TTC24: variants seen among roughly 807,000 people sequenced by gnomAD.
TTC24 encodes the protein tetratricopeptide repeat protein 24.
TTC24 carries 54 observed loss-of-function variants against 63.3 expected under a neutral mutation model. The observed-to-expected ratio is 0.85, with a 90% CI of 0.69 to 1.07. The LOEUF (loss-of-function observed/expected upper bound fraction) is 1.07, where lower values mean the gene tolerates loss of function less well. Ranked by LOEUF, TTC24 falls within the 50% of genes least tolerant of loss-of-function variation. The pLI, the probability that TTC24 is intolerant of heterozygous loss-of-function variation, is 0.00. For missense variants in TTC24, 680 were observed against 730.5 expected (o/e 0.93, Z 0.80); for synonymous variants, 276 against 304.3 (o/e 0.91, Z 0.97).
chr1:156,583,517 T>G lies in TTC24; in HGVS notation c.1152+67T>G, dbSNP rs1677066488. ...CCTCTTCTGGCTGACATTCCTGCCT[T>G]CACTCCTTGTCTTCTCCCCATCACT... On this transcript the variant is annotated intron_variant, in intron 5 of 10. Coordinates refer to ENST00000368236, the MANE Select transcript of TTC24 (RefSeq NM_001105669.4). The surrounding 1 kb of genome is among the most constrained non-coding windows in gnomAD (Gnocchi z 4.0). The G allele has an allele frequency of 2.3e-6, 3 of 1,291,116 alleles. No homozygotes were observed. The highest frequency in any genetic ancestry group is 3.2e-6 in the Non-Finnish European group (3 of 934,462). 80.0% of individuals were successfully genotyped at this position (1,291,116 alleles called of 1,614,324 possible).
At position 156,583,235 on chromosome 1, in the gene TTC24, G is replaced by C; in HGVS notation, c.1039+65G>C. ...GAGGCTGAGGGTCCTAGGGGCTGGCGGGGAGGCAGATGGGGGGAACTGAGG... is the reference window on the plus strand; with the variant it reads ...GAGGCTGAGGGTCCTAGGGGCTGGCCGGGAGGCAGATGGGGGGAACTGAGG... On this transcript the variant is annotated intron_variant, in intron 4 of 10. Coordinates refer to ENST00000368236, the MANE Select transcript of TTC24 (RefSeq NM_001105669.4). The surrounding 1 kb of genome is among the most constrained non-coding windows in gnomAD (Gnocchi z 4.0). 1 of 1,609,624 alleles carries C rather than the reference G, an allele frequency of 6.2e-7. No individual in the cohort carries two copies. The highest frequency in any genetic ancestry group is 1.1e-5 in the South Asian group (1 of 90,690).
chr1:156,583,202 A>G lies in TTC24; in HGVS notation c.1039+32A>G, dbSNP rs1220621830. ...GTGAGAGGGTTGGGATGTGACTGGG[A>G]CAGTGGGGAGGCTGAGGGTCCTAGG... On this transcript the variant is annotated intron_variant, in intron 4 of 10. Coordinates refer to ENST00000368236, the MANE Select transcript of TTC24 (RefSeq NM_001105669.4). The surrounding 1 kb of genome is among the most constrained non-coding windows in gnomAD (Gnocchi z 4.0). The G allele has an allele frequency of 2.5e-6, 4 of 1,609,930 alleles. No individual in the cohort carries two copies. In the African/African-American group the frequency reaches 4.0e-5, roughly 16 times the overall value.
Position 156,581,205 on chromosome 1 carries a change from A to T in TTC24, c.-4-156A>T, listed in dbSNP as rs12566661. On this transcript the variant is annotated intron_variant, in intron 1 of 10. Transcript: ENST00000368236. ...AGAGTGAGAGTGGATATGGTGCCCA[A>T]TGGGACAGAAGAAACAAAGTGAGAG... 2.4e-3 allele frequency among the ~76,000 whole-genome samples: 360 copies of T among 152,308 alleles called. 9 individuals are homozygous for T. In the East Asian group the frequency reaches 0.065, roughly 28 times the overall value.
In TTC24 at chr1:156,583,022, G is replaced by A. The variant is rs1677045011; in HGVS notation, c.911-20G>A. On this transcript the variant is annotated intron_variant, in intron 3 of 10. Transcript: ENST00000368236. This position sits in a 1 kb window ranked among gnomAD's most constrained non-coding sequence, Gnocchi z 4.0. Reference sequence around the variant, plus strand: ...AGCAGCCAGAGTCCCCTCTGAGGATGGGGTGGGCTCTGTCCTCAGGCTCTG... The same window carrying A: ...AGCAGCCAGAGTCCCCTCTGAGGATAGGGTGGGCTCTGTCCTCAGGCTCTG... The A allele has an allele frequency of 2.5e-6, 4 of 1,595,094 alleles. No homozygotes were observed. The highest frequency in any genetic ancestry group is 2.6e-6 in the Non-Finnish European group (3 of 1,168,998).
At position 156,583,610 on chromosome 1, in the gene TTC24, G is replaced by A. The variant is rs1342223461; in HGVS notation, c.1152+160G>A. Among the ~76,000 whole-genome samples, 1 of 152,166 alleles carries A rather than the reference G, an allele frequency of 6.6e-6. No individual in the cohort carries two copies. The highest frequency in any genetic ancestry group is 1.5e-5 in the Non-Finnish European group (1 of 68,036). ...TCTTGGGATACTATTGTGAGGAAGA[G>A]TTCATCGCTGTCCACAATTCTGGGC... On this transcript the variant is annotated intron_variant, in intron 5 of 10. Transcript: ENST00000368236. This position sits in a 1 kb window ranked among gnomAD's most constrained non-coding sequence, Gnocchi z 4.0.
Position 156,583,442 on chromosome 1 carries a change from C to T in TTC24, c.1144C>T (p.Gln382Ter). ...ALKYYKEALA[Q>*]CQKEPDSVRE... ...GAAGTACTATAAGGAAGCACTGGCC[C>T]AGTGTCAGGTGAGACCCCGCACACC... The change falls in exon 5 of 11, where the codon CAG (glutamine) becomes TAG (stop). Residue 382 changes from glutamine to a stop codon, truncating the protein, a stop_gained. Coordinates refer to ENST00000368236, the MANE Select transcript of TTC24 (RefSeq NM_001105669.4). LOFTEE classifies it high-confidence loss of function. This position sits in a 1 kb window ranked among gnomAD's most constrained non-coding sequence, Gnocchi z 4.0. 1 of 1,598,118 alleles carries T rather than the reference C, an allele frequency of 6.3e-7. No homozygotes were observed. The highest frequency in any genetic ancestry group is 8.5e-7 in the Non-Finnish European group (1 of 1,174,080).
In TTC24 at chr1:156,585,792, C is replaced by T; in HGVS notation, c.1536C>T (p.Cys512=). 6.2e-7 allele frequency: 1 copy of T among 1,613,870 alleles called. No homozygotes were observed. Among genetic ancestry groups the T allele is most frequent in the South Asian group, 1.1e-5 (1 of 91,084 alleles). ...CCACGTTTACCAAGCACACGCCCTG[C>T]AGAGGGACAGTCCTCGGCAAAGCCT... The part of the protein sequence containing the change: ...SCPTFTKHTP[C]RGTVLGKASI... Residue 512 remains cysteine, a synonymous_variant, in exon 9 of 11, where the codon TGC becomes TGT. Coordinates refer to ENST00000368236, the MANE Select transcript of TTC24 (RefSeq NM_001105669.4).
chr1:156,582,517 A>T, intron 3 of TTC24, 83 bp downstream of exon 3: 2 of 1,317,138 alleles, frequency 1.5e-6, no homozygotes, highest in Non-Finnish European at 2.1e-6. Context: ...TTAAGGGTGG[A>T]TGGCCCTTTG....
At chr1:156,582,906 C>T (rs1160817861) in intron 3 of TTC24, 136 bp from the exon 4 acceptor site, 3 of 1,120,752 alleles carry the variant, frequency 2.7e-6, no homozygotes, top group African/African-American at 1.6e-5. Flanking sequence ...GGGTTCAGGC[C>T]TCTCGGATGC....
In TTC24 at chr1:156,587,369, T is replaced by C. The variant is rs1677204898; in HGVS notation, c.*819T>C. 6.6e-6 allele frequency among the ~76,000 whole-genome samples: 1 copy of C among 152,252 alleles called. No individual in the cohort carries two copies. The highest frequency in any genetic ancestry group is 6.5e-5 in the Admixed American group (1 of 15,286). On this transcript the variant is annotated 3_prime_UTR_variant, in exon 11 of 11. Transcript: ENST00000368236. ...GAATTCCCAGGTCACATAACTAGTA[T>C]GTAGAGAAGCTGGGAATCAAACCCA...
At chr1:156,585,850 C>A (rs750307895) in intron 9 of TTC24, 24 bp downstream of exon 9, 1 of 1,593,284 alleles carries the variant, frequency 6.3e-7, no homozygotes, top group Admixed American at 1.7e-5. Context: ...CCCCTGACAC[C>A]GCCCCAACTC....
At position 156,583,896 on chromosome 1, in the gene TTC24, G is replaced by A. The variant is rs1195737106; in HGVS notation, c.1251+1G>A. On this transcript the variant is annotated splice_donor_variant, in intron 6 of 10. Coordinates refer to ENST00000368236, the MANE Select transcript of TTC24 (RefSeq NM_001105669.4). LOFTEE classifies it high-confidence loss of function. The surrounding 1 kb of genome is among the most constrained non-coding windows in gnomAD (Gnocchi z 4.0). ...GGGGCTGGTCCAGACTCACACCCTG[G>A]TGAGATGACACCTGAGACAAGGAGA... 3.8e-6 allele frequency: 6 copies of A among 1,576,134 alleles called. No homozygotes were observed. The Admixed American group carries it at 1.1e-4, about 29-fold the overall frequency.
intron 1 of TTC24, among the ~76,000 whole-genome samples, chr1:156,581,006 G>A (rs1029024041): frequency 6.6e-6 from 1 of 152,094 alleles, no homozygotes; most frequent in African/African-American, 2.4e-5. Flanking sequence ...GTAGTGGGGG[G>A]AAGACAATAA....
In TTC24 at chr1:156,583,708, C is replaced by A. The variant is rs1677070646; in HGVS notation, c.1153-89C>A. ...AGGGGAAACAAAGCCCCCCTCCCCC[C>A]TCCCTTTCCTGTTTCCTTCTTCCCC... On this transcript the variant is annotated intron_variant, in intron 5 of 10. Transcript: ENST00000368236. The surrounding 1 kb of genome is among the most constrained non-coding windows in gnomAD (Gnocchi z 4.0). 9.5e-7 allele frequency: 1 copy of A among 1,051,430 alleles called. No individual in the cohort carries two copies. The highest frequency in any genetic ancestry group is 1.4e-6 in the Non-Finnish European group (1 of 705,076). 65.1% of individuals were successfully genotyped at this position (1,051,430 alleles called of 1,614,324 possible).
intron 3 of TTC24, 107 bp from the exon 4 acceptor site, chr1:156,582,935 C>T: frequency 7.1e-7 from 1 of 1,417,808 alleles, no homozygotes; most frequent in South Asian, 1.4e-5. Flanking sequence ...TGTTCTGGGG[C>T]TGGGCACCAG....
intron 10 of TTC24, 134 bp from the exon 11 acceptor site, chr1:156,586,335 A>G: frequency 1.3e-6 from 1 of 742,040 alleles, no homozygotes; most frequent in South Asian, 1.7e-5. Context: ...GCTTAAGCCA[A>G]CTCCCTCCTT....
Position 156,581,705 on chromosome 1 carries a change from G to A in TTC24, c.341G>A (p.Arg114Lys). The A allele has an allele frequency of 6.4e-7, 1 of 1,551,782 alleles. No individual in the cohort carries two copies. The highest frequency in any genetic ancestry group is 1.2e-5 in the South Asian group (1 of 84,068). ...RAHPEEKAQGRRHGDQCFNVA... is the reference protein window; with the variant it reads ...RAHPEEKAQGKRHGDQCFNVA... ...CACCCTGAAGAGAAGGCACAGGGCA[G>A]GCGACACGGCGACCAATGTTTCAAT... is the stretch of plus-strand genomic sequence containing the variant. The change falls in exon 2 of 11, where the codon AGG (arginine) becomes AAG (lysine). Residue 114 changes from arginine (R) to lysine (K), a missense_variant. Coordinates refer to ENST00000368236, the MANE Select transcript of TTC24 (RefSeq NM_001105669.4).
intron 6 of TTC24, chr1:156,584,662 G>A (rs1420516736): frequency 7.2e-6 from 3 of 414,638 alleles, no homozygotes; most frequent in Non-Finnish European, 8.5e-6. Flanking sequence ...ATCAGGCGCT[G>A]GCCAGGTCTG....
chr1:156,586,304 T>C (rs1234661564), intron 10 of TTC24, among the ~76,000 whole-genome samples, 165 bp from the exon 11 acceptor site: 1 of 152,092 alleles, frequency 6.6e-6, no homozygotes, highest in South Asian at 2.1e-4. Flanking sequence ...GACAGGGTGC[T>C]GCAGGATGGG....
Sources: gnomAD v4.1 joint callset for allele counts (sites outside exome capture counted in the v4.1 genomes callset) on GRCh38, gnomAD v4.1.1 for gene constraint, Gnocchi (gnomAD v3.1) non-coding constraint, MANE v1.5 for transcripts, NCBI Gene and HGNC (gene_info 2026-07-23, HGNC 2026-07-21) for gene names.